RABGAP1L: variants seen among roughly 807,000 people sequenced by gnomAD.
The protein encoded by RABGAP1L is RAB GTPase activating protein 1 like, also known as rab GTPase-activating protein 1-like.
A neutral mutation model predicts 137.7 loss-of-function variants in RABGAP1L; 63 were observed. That is an observed-to-expected ratio of 0.46 (90% confidence interval 0.37 to 0.56). The LOEUF (loss-of-function observed/expected upper bound fraction) is 0.56. RABGAP1L is among the 20% of genes least tolerant of loss of function. The pLI, the probability that RABGAP1L is intolerant of heterozygous loss-of-function variation, is 0.00. For synonymous variants in RABGAP1L, 431 were observed against 433.7 expected (o/e 0.99, Z 0.08); for missense variants, 1,095 against 1,244.0 (o/e 0.88, Z 1.80).
At chr1:174,410,644 C>A (rs141863838) in intron 13 of RABGAP1L, among the ~76,000 whole-genome samples, 1 of 152,012 alleles carries the variant, frequency 6.6e-6, no homozygotes, top group African/African-American at 2.4e-5. Context: ...GTTACTGTAG[C>A]CTTATATATA....
In RABGAP1L at chr1:174,981,550, C is replaced by CTTTTTTTTTTTTTTTTT. The variant is rs10556099; in HGVS notation, c.2734-1269_2734-1253dup. 1.1e-3 allele frequency among the ~76,000 whole-genome samples: 71 copies of CTTTTTTTTTTTTTTTTT among 66,436 alleles called. 9 individuals carry two copies. Among genetic ancestry groups the CTTTTTTTTTTTTTTTTT allele is most frequent in the East Asian group, 4.7e-3 (7 of 1,486 alleles). The allele number at this position is 66,436 out of a possible 152,430, so 43.6% of individuals were successfully genotyped here. A position where few individuals can be genotyped will look rare whatever the true frequency, so the allele number is the denominator to read the frequency against. ...AATTTCACATCCCCTGTTTTTCCAT[C>CTTTTTTTTTTTTTTTTT]TTTTTTTTTTTTTTTTTTTTTTTTT... On this transcript the variant is annotated intron_variant, in intron 23 of 25. Coordinates refer to ENST00000681986, the MANE Select transcript of RABGAP1L (RefSeq NM_001366446.1).
At chr1:174,870,537 C>T (rs767532626) in intron 19 of RABGAP1L, among the ~76,000 whole-genome samples, 8 of 152,170 alleles carry the variant, frequency 5.3e-5, no homozygotes, top group African/African-American at 1.4e-4. Flanking sequence ...TAGAAACAGA[C>T]ACACCTGTTT....
intron 11 of RABGAP1L, among the ~76,000 whole-genome samples, chr1:174,331,042 C>CA (rs1310124558): frequency 6.6e-6 from 1 of 152,168 alleles, no homozygotes; most frequent in East Asian, 1.9e-4. Context: ...CAGGCATTTA[C>CA]AGCCAACTGA....
At chr1:174,395,324 A>C (rs186949132) in intron 13 of RABGAP1L, among the ~76,000 whole-genome samples, 1 of 152,320 alleles carries the variant, frequency 6.6e-6, no homozygotes, top group Non-Finnish European at 1.5e-5. Flanking sequence ...GATGTAACTT[A>C]ATCCTCATAA....
chr1:174,623,142 A>T (rs1672664838), intron 13 of RABGAP1L, among the ~76,000 whole-genome samples: 1 of 152,338 alleles, frequency 6.6e-6, no homozygotes, highest in South Asian at 2.1e-4. Flanking sequence ...TTATTTTTAG[A>T]AAGTTTTCAT....
chr1:174,386,796 C>T (rs543821078), intron 12 of RABGAP1L, among the ~76,000 whole-genome samples: 9 of 152,134 alleles, frequency 5.9e-5, no homozygotes, highest in Non-Finnish European at 1.0e-4. Flanking sequence ...TGTGAGCCAC[C>T]GCACCGGCCT....
intron 7 of RABGAP1L, among the ~76,000 whole-genome samples, chr1:174,256,199 C>T (rs916343272): frequency 1.3e-5 from 2 of 152,122 alleles, no homozygotes; most frequent in Non-Finnish European, 2.9e-5. Flanking sequence ...AAGACTTGGA[C>T]GTTTTTGGAG....
intron 17 of RABGAP1L, among the ~76,000 whole-genome samples, chr1:174,724,698 T>A (rs958036905): frequency 6.6e-6 from 1 of 152,194 alleles, no homozygotes; most frequent in Non-Finnish European, 1.5e-5. Context: ...TGTCTTTGCA[T>A]CTATAGTGCT....
At chr1:174,914,060 C>T (rs541494242) in intron 19 of RABGAP1L, among the ~76,000 whole-genome samples, 1 of 152,254 alleles carries the variant, frequency 6.6e-6, no homozygotes, top group African/African-American at 2.4e-5. Flanking sequence ...TATGGCTGGT[C>T]TGCAAACAGT....
chr1:174,213,910 C>T (rs571677663), intron 1 of RABGAP1L, among the ~76,000 whole-genome samples: 2 of 152,246 alleles, frequency 1.3e-5, no homozygotes, highest in South Asian at 2.1e-4. Flanking sequence ...AGCTGAAAGC[C>T]TTTTCTCTGA....
intron 17 of RABGAP1L, among the ~76,000 whole-genome samples, chr1:174,725,834 G>A (rs1681934556): frequency 6.6e-6 from 1 of 152,110 alleles, no homozygotes; most frequent in Non-Finnish European, 1.5e-5. Context: ...CAATGAGTTG[G>A]GGGGATGGGG....
intron 14 of RABGAP1L, among the ~76,000 whole-genome samples, chr1:174,674,163 G>A (rs1386886349): frequency 6.8e-6 from 1 of 146,834 alleles, no homozygotes; most frequent in Non-Finnish European, 1.5e-5. Context: ...ATGTATACAT[G>A]TGCCATGCTG....
intron 3 of RABGAP1L, among the ~76,000 whole-genome samples, chr1:174,224,225 C>A (rs1669991045): frequency 6.6e-6 from 1 of 152,100 alleles, no homozygotes; most frequent in South Asian, 2.1e-4. Flanking sequence ...CCTGTAATCC[C>A]AGCACTTTGG....
chr1:174,475,880 T>G (rs958796688), intron 13 of RABGAP1L, among the ~76,000 whole-genome samples: 1 of 151,678 alleles, frequency 6.6e-6, no homozygotes, highest in Non-Finnish European at 1.5e-5. Flanking sequence ...ATTCGCAATG[T>G]TAGATGAACA....
chr1:174,618,029 G>A (rs896945577), intron 13 of RABGAP1L, among the ~76,000 whole-genome samples: 6 of 152,180 alleles, frequency 3.9e-5, no homozygotes, highest in Non-Finnish European at 8.8e-5. Context: ...CTATGCCCAC[G>A]GAGCCTCACT....
chr1:174,247,567 C>T (rs867731713), intron 5 of RABGAP1L, among the ~76,000 whole-genome samples: 52 of 152,192 alleles, frequency 3.4e-4, no homozygotes, highest in Admixed American at 8.5e-4. Flanking sequence ...CATTAGAAAC[C>T]GGGTCCACCC....
At position 174,727,993 on chromosome 1, in the gene RABGAP1L, A is replaced by G. The variant is rs1402165013; in HGVS notation, c.2170-24320A>G. Among the ~76,000 whole-genome samples, 69 of 152,208 alleles carry G rather than the reference A, an allele frequency of 4.5e-4. 1 individual carries two copies. Among genetic ancestry groups the G allele is most frequent in the Non-Finnish European group, 2.9e-5 (2 of 68,040 alleles). ...TAATTTCTTATTCTTTACTCTCAGC[A>G]CTAAATTTTATTAGTCAGCAGTTAC... On this transcript the variant is annotated intron_variant, in intron 17 of 25. Transcript: ENST00000681986.
intron 14 of RABGAP1L, among the ~76,000 whole-genome samples, chr1:174,648,574 A>G (rs1007591584): frequency 3.3e-5 from 5 of 151,726 alleles, no homozygotes; most frequent in African/African-American, 1.2e-4. Context: ...ACAGACTGTT[A>G]TGATTTCCAT....
chr1:174,377,997 C>T (rs1685723712), intron 12 of RABGAP1L, among the ~76,000 whole-genome samples: 1 of 134,324 alleles, frequency 7.4e-6, no homozygotes, highest in African/African-American at 3.0e-5. Context: ...CATGTGATCT[C>T]ATTGTTCAAT....
Sources: allele counts gnomAD v4.1 joint callset (sites outside exome capture counted in the v4.1 genomes callset), GRCh38; gene constraint gnomAD v4.1.1; transcripts MANE v1.5; gene names NCBI Gene and HGNC (gene_info 2026-07-23, HGNC 2026-07-21).